Variants in PUM1 observed in about 807,000 individuals in gnomAD.
PUM1 encodes the protein pumilio RNA binding family member 1, also known as pumilio homolog 1.
In PUM1, 13 loss-of-function variants were observed where a neutral mutation model predicts 131.8. The ratio of observed to expected loss-of-function variants is 0.10; its 90% CI spans 0.06 to 0.16. The LOEUF is 0.16. Among genes scored for constraint, PUM1 ranks in the 10% least tolerant of loss-of-function variants. The pLI, the probability that PUM1 is intolerant of heterozygous loss-of-function variation, is 1.00. For missense variants in PUM1, 961 were observed against 1,512.4 expected (o/e 0.64, Z 6.05); for synonymous variants, 509 against 556.5 (o/e 0.91, Z 1.20).
intron 2 of PUM1, among the ~76,000 whole-genome samples, chr1:31,058,726 T>C (rs1644305310): frequency 6.6e-6 from 1 of 151,470 alleles, no homozygotes; most frequent in African/African-American, 2.4e-5. Context: ...ATCCCAGCAC[T>C]TTGGGAGGCC....
At chr1:30,998,446 G>A (rs1442942559) in intron 5 of PUM1, among the ~76,000 whole-genome samples, 1 of 151,756 alleles carries the variant, frequency 6.6e-6, no homozygotes, top group East Asian at 1.9e-4. Flanking sequence ...AGACAAGCCT[G>A]GGCAACACAG....
rs183024113 is a variant in PUM1, at chr1:30,965,768, A to G, written c.2086+214T>C. Among the ~76,000 whole-genome samples, 69 of 152,296 alleles carry G rather than the reference A, an allele frequency of 4.5e-4. No individual in the cohort carries two copies. In the East Asian group the frequency reaches 0.012, roughly 27 times the overall value. ...GATTTCAAATCCCTGAAAGAAACTG[A>G]TTAAGTAAGTAGCCACATGAGCATG... On this transcript the variant is annotated intron_variant, in intron 13 of 21. Transcript: ENST00000426105.
chr1:30,986,093 T>G (rs1489934290), intron 7 of PUM1, among the ~76,000 whole-genome samples: 4 of 152,188 alleles, frequency 2.6e-5, no homozygotes, highest in African/African-American at 9.6e-5. Context: ...TAGCTGGGAT[T>G]ACAGGCTTGC....
chr1:31,048,460 T>C (rs944949131), intron 2 of PUM1, among the ~76,000 whole-genome samples: 3 of 151,216 alleles, frequency 2.0e-5, no homozygotes, highest in African/African-American at 7.3e-5. Context: ...TTTTCTTTTT[T>C]CTTTTTATTT....
intron 10 of PUM1, among the ~76,000 whole-genome samples, chr1:30,972,846 G>A (rs1032754422): frequency 1.1e-4 from 16 of 151,944 alleles, no homozygotes; most frequent in African/African-American, 2.9e-4. Context: ...TTGGGAGGCC[G>A]AGACGGGTGG....
At position 31,059,403 on chromosome 1, in the gene PUM1, G is replaced by A. The variant is rs763994399; in HGVS notation, c.164C>T (p.Ala55Val). The change falls in exon 2 of 22, where the codon GCT becomes GTT. Residue 55 changes from alanine to valine, a missense_variant. Around this residue, in one of 4 missense-constraint regions of PUM1, gnomAD observed 654 missense variants for 923.9 expected, o/e 0.71. Transcript: ENST00000426105. ...GCTGGAGTGAGTCCCAGCTGCAAGA[G>A]CCTGATTTGCAGCTGGTTGTGGCTG... ...QAQPQPAANQ[A>V]LAAGTHSSPV... The A allele has an allele frequency of 6.2e-7, 1 of 1,614,168 alleles. No homozygotes were observed. The highest frequency in any genetic ancestry group is 8.5e-7 in the Non-Finnish European group (1 of 1,180,026).
intron 5 of PUM1, among the ~76,000 whole-genome samples, chr1:30,998,311 T>G (rs960032606): frequency 3.3e-5 from 5 of 151,994 alleles, no homozygotes; most frequent in Admixed American, 3.3e-4. Flanking sequence ...AAAGCACAAA[T>G]AGGAAACCAT....
intron 1 of PUM1, among the ~76,000 whole-genome samples, chr1:31,063,458 A>G (rs1185162419): frequency 2.0e-5 from 3 of 152,138 alleles, no homozygotes; most frequent in African/African-American, 2.4e-5. Flanking sequence ...AAGCCTTCTC[A>G]AAATAGTTAT....
intron 5 of PUM1, among the ~76,000 whole-genome samples, chr1:31,005,625 TCCCCCC>T (rs1642371658): frequency 6.6e-6 from 1 of 152,070 alleles, no homozygotes; most frequent in Non-Finnish European, 1.5e-5. Context: ...TATCAATGTG[TCCCCCC>T]ACCAAAACAT....
chr1:31,042,098 A>G (rs1220610983), intron 2 of PUM1, among the ~76,000 whole-genome samples: 1 of 152,078 alleles, frequency 6.6e-6, no homozygotes, highest in Non-Finnish European at 1.5e-5. Flanking sequence ...TAAGGTCAGG[A>G]GTTCGAGACC....
chr1:31,057,109 A>T (rs1251882138), intron 2 of PUM1, among the ~76,000 whole-genome samples: 1 of 152,110 alleles, frequency 6.6e-6, no homozygotes, highest in Admixed American at 6.6e-5. Flanking sequence ...TGTTTCGACT[A>T]TAGTAAAGAA....
At chr1:31,011,232 G>A (rs1331998552) in intron 3 of PUM1, among the ~76,000 whole-genome samples, 1 of 151,018 alleles carries the variant, frequency 6.6e-6, no homozygotes, top group African/African-American at 2.4e-5. Context: ...CTAAATTTTA[G>A]GGTGATTTGT....
intron 3 of PUM1, 126 bp downstream of exon 3, chr1:31,028,670 T>G: frequency 5.3e-5 from 45 of 848,080 alleles, no homozygotes; most frequent in Non-Finnish European, 8.0e-5. Context: ...GTTCCTATCA[T>G]GAGAATGGCA....
rs1048862726 is a variant in PUM1, at chr1:31,065,489, G to A, written c.-12+127C>T. On this transcript the variant is annotated intron_variant, in intron 1 of 21. Coordinates refer to ENST00000426105, the MANE Select transcript of PUM1 (RefSeq NM_001020658.2). ...AACAGCGAGTGAGAAGCCTCAGCCA[G>A]GGCCCCGGCGGCTTTTCCAAAGCCC... is the stretch of plus-strand genomic sequence containing the variant. 4 of 1,093,118 alleles carry A rather than the reference G, an allele frequency of 3.7e-6. No homozygotes were observed. The African/African-American group carries it at 6.7e-5, about 18-fold the overall frequency. The allele number at this position is 1,093,118 out of a possible 1,614,324, so 67.7% of individuals were successfully genotyped here.
At chr1:31,060,116 G>T (rs1000742829) in intron 1 of PUM1, among the ~76,000 whole-genome samples, 2 of 151,068 alleles carry the variant, frequency 1.3e-5, no homozygotes, top group Non-Finnish European at 3.0e-5. Context: ...CGGAAGTGCT[G>T]GGATTACAGG....
intron 14 of PUM1, among the ~76,000 whole-genome samples, chr1:30,954,882 G>A (rs1309644311): frequency 6.6e-6 from 1 of 151,904 alleles, no homozygotes; most frequent in Non-Finnish European, 1.5e-5. Flanking sequence ...GGACAACAGA[G>A]AGAGACCCCA....
intron 17 of PUM1, 117 bp from the exon 18 acceptor site, chr1:30,945,600 T>A: frequency 9.2e-7 from 1 of 1,088,930 alleles, no homozygotes; most frequent in Non-Finnish European, 1.3e-6. Context: ...ATGATGAAAG[T>A]GGAATAGCAG....
At position 30,934,271 on chromosome 1, in the gene PUM1, A is replaced by C. The variant is rs536306636; in HGVS notation, c.3436-929T>G. 5.4e-4 allele frequency among the ~76,000 whole-genome samples: 82 copies of C among 152,266 alleles called. 1 individual carries two copies. The highest frequency in any genetic ancestry group is 5.0e-3 in the South Asian group (24 of 4,826). Reference sequence around the variant, plus strand: ...CAGCTGTGTCTGCTATCTTTTGCTTAATTATCAATCTTTCCATATAAACAG... The same window carrying C: ...CAGCTGTGTCTGCTATCTTTTGCTTCATTATCAATCTTTCCATATAAACAG... On this transcript the variant is annotated intron_variant, in intron 21 of 21. Coordinates refer to ENST00000426105, the MANE Select transcript of PUM1 (RefSeq NM_001020658.2).
intron 14 of PUM1, among the ~76,000 whole-genome samples, chr1:30,957,039 C>T (rs1640194251): frequency 6.6e-6 from 1 of 150,602 alleles, no homozygotes; most frequent in Non-Finnish European, 1.5e-5. Context: ...TGATTTTTGC[C>T]TCTTATCTCC....
Sources: gnomAD v4.1 joint callset for allele counts (sites outside exome capture counted in the v4.1 genomes callset) on GRCh38, gnomAD v4.1.1 for gene constraint, gnomAD v4.1.1 regional missense constraint, MANE v1.5 for transcripts, NCBI Gene and HGNC (gene_info 2026-07-23, HGNC 2026-07-21) for gene names.